Variants in ZC3H12D observed in about 807,000 individuals in gnomAD.
The protein encoded by ZC3H12D is probable ribonuclease ZC3H12D.
ZC3H12D carries 11 observed loss-of-function variants against 24.2 expected under a neutral mutation model. The ratio of observed to expected loss-of-function variants is 0.46; its 90% confidence interval spans 0.29 to 0.75. The LOEUF is 0.75. ZC3H12D is among the 30% of genes least tolerant of loss of function. ZC3H12D has a pLI of 0.11. For missense variants in ZC3H12D, 740 were observed against 767.7 expected (o/e 0.96, Z 0.43); for synonymous variants, 333 against 341.8 (o/e 0.97, Z 0.28).
rs760166494 is a variant in ZC3H12D, at chr6:149,474,535, G to A, written c.9C>T (p.His3=). The change falls in exon 2 of 6, where the codon CAC becomes CAT. Residue 3 remains histidine (H), a synonymous_variant. Coordinates refer to ENST00000409806, the MANE Select transcript of ZC3H12D (RefSeq NM_207360.3). ME[H]PSKMEFFQKL... ...TCTGGAAGAATTCCATCTTGCTGGG[G>A]TGCTCCATGCTGTGCCCAGCGGCCA... 6.6e-7 allele frequency: 1 copy of A among 1,525,940 alleles called. No individual in the cohort carries two copies. The highest frequency in any genetic ancestry group is 8.9e-7 in the Non-Finnish European group (1 of 1,128,656). The allele number at this position is 1,525,940 out of a possible 1,614,324, so 94.5% of individuals were successfully genotyped here.
chr6:149,476,580 G>A (rs1481642530), intron 1 of ZC3H12D, among the ~76,000 whole-genome samples: 1 of 152,134 alleles, frequency 6.6e-6, no homozygotes, highest in East Asian at 1.9e-4. Flanking sequence ...GGCCGAGGCA[G>A]GCGTATCGCT....
intron 2 of ZC3H12D, among the ~76,000 whole-genome samples, chr6:149,472,545 TG>T (rs998060297): frequency 1.9e-4 from 18 of 96,082 alleles, no homozygotes; most frequent in African/African-American, 6.9e-4. Flanking sequence ...TCATGAGAGG[TG>T]GGGGGCAGAG....
chr6:149,451,132 C>A lies in ZC3H12D; in HGVS notation c.1135G>T (p.Val379Leu). ...LTPRLGGPDW[V>L]SAGGRVPGPL... ...CCTGGCACCCGGCCGCCCGCGGACA[C>A]CCAGTCGGGCCCGCCCAGTCGGGGC... The change falls in exon 6 of 6, where the codon GTG (valine) becomes TTG (leucine). Residue 379 changes from valine (V) to leucine (L), a missense_variant. Coordinates refer to ENST00000409806, the MANE Select transcript of ZC3H12D (RefSeq NM_207360.3). 2 of 1,343,664 alleles carry A rather than the reference C, an allele frequency of 1.5e-6. No homozygotes were observed. The highest frequency in any genetic ancestry group is 3.8e-5 in the South Asian group (2 of 51,956). The allele number at this position is 1,343,664 out of a possible 1,614,324, so 83.2% of individuals were successfully genotyped here. A position where few individuals can be genotyped will look rare whatever the true frequency, so the allele number is the denominator to read the frequency against.
chr6:149,475,314 C>T (rs771374146), intron 1 of ZC3H12D, among the ~76,000 whole-genome samples: 7 of 152,330 alleles, frequency 4.6e-5, no homozygotes, highest in South Asian at 2.1e-4. Flanking sequence ...CAAATGCCCC[C>T]GGGCGAATTC....
intron 4 of ZC3H12D, among the ~76,000 whole-genome samples, chr6:149,455,288 C>T (rs908619903): frequency 2.6e-5 from 4 of 152,202 alleles, no homozygotes; most frequent in African/African-American, 9.6e-5. Flanking sequence ...GCCATTCACT[C>T]GGTCATTCCT....
chr6:149,458,756 T>C (rs1009502341), intron 3 of ZC3H12D, among the ~76,000 whole-genome samples: 3 of 152,204 alleles, frequency 2.0e-5, no homozygotes, highest in African/African-American at 4.8e-5. Flanking sequence ...ATACTTGGCA[T>C]TTTCAGGCTT....
intron 3 of ZC3H12D, among the ~76,000 whole-genome samples, chr6:149,457,203 C>T (rs1246454275): frequency 6.6e-6 from 1 of 152,208 alleles, no homozygotes; most frequent in African/African-American, 2.4e-5. Flanking sequence ...TCAGCCACAG[C>T]CCTTGTCCTT....
At chr6:149,460,130 A>G (rs1302707544) in intron 3 of ZC3H12D, among the ~76,000 whole-genome samples, 1 of 152,254 alleles carries the variant, frequency 6.6e-6, no homozygotes, top group Non-Finnish European at 1.5e-5. Flanking sequence ...TATGTACAGC[A>G]CATAACACTT....
At chr6:149,462,841 T>G (rs1776095208) in intron 2 of ZC3H12D, among the ~76,000 whole-genome samples, 1 of 152,202 alleles carries the variant, frequency 6.6e-6, no homozygotes, top group African/African-American at 2.4e-5. Context: ...ACACCAGGGG[T>G]TTGCCAGGGG....
chr6:149,458,124 G>GTTTTTTTTTTTTTTTTT (rs1562472740), intron 3 of ZC3H12D, among the ~76,000 whole-genome samples: 5 of 37,576 alleles, frequency 1.3e-4, no homozygotes, highest in Non-Finnish European at 1.9e-4. Context: ...TTTTTTTTTC[G>GTTTTTTTTTTTTTTTTT]TTTCTTTTTT....
intron 1 of ZC3H12D, among the ~76,000 whole-genome samples, chr6:149,475,573 A>C (rs1370372640): frequency 6.6e-6 from 1 of 151,722 alleles, no homozygotes; most frequent in Non-Finnish European, 1.5e-5. Context: ...AAAATTAGCC[A>C]GGCATGGTGG....
rs987719276 is a variant in ZC3H12D, at chr6:149,484,874, C to G, written c.-132G>C. 20 of 152,220 alleles carry G rather than the reference C, an allele frequency of 1.3e-4. No homozygotes were observed. Among genetic ancestry groups the G allele is most frequent in the African/African-American group, 4.3e-4 (18 of 41,442 alleles). 9.4% of individuals were successfully genotyped at this position (152,220 alleles called of 1,614,324 possible). ...CTGGCCCAGTCGCCAGCAGCCTTCA[C>G]GCCAATGTTCTCCCGTCAGTGAGGC... On this transcript the variant is annotated 5_prime_UTR_variant, in exon 1 of 6. Transcript: ENST00000409806.
In ZC3H12D at chr6:149,451,361, G is replaced by GTAT; in HGVS notation, c.905_906insATA (p.Gly302_Ala303insTyr). On this transcript the variant is annotated inframe_insertion, in exon 6 of 6. Coordinates refer to ENST00000409806, the MANE Select transcript of ZC3H12D (RefSeq NM_207360.3). Reference sequence around the variant, plus strand: ...CTCTCGGTGGCCGCTGCTCCTCGGCGCCCGCGCCAGGCCGGGCCCCTGTCT... The same window carrying GTAT: ...CTCTCGGTGGCCGCTGCTCCTCGGCGTATCCCGCGCCAGGCCGGGCCCCTGTCT... The GTAT allele has an allele frequency of 6.8e-7, 1 of 1,479,690 alleles. No individual in the cohort carries two copies. Among genetic ancestry groups the GTAT allele is most frequent in the Admixed American group, 2.3e-5 (1 of 43,982 alleles). 91.7% of individuals were successfully genotyped at this position (1,479,690 alleles called of 1,614,324 possible).
intron 2 of ZC3H12D, among the ~76,000 whole-genome samples, chr6:149,464,478 T>G (rs1776121056): frequency 1.3e-5 from 2 of 152,148 alleles, no homozygotes; most frequent in African/African-American, 4.8e-5. Context: ...TCATCCTCAC[T>G]TCCTCAGGAA....
In ZC3H12D at chr6:149,456,974, C is replaced by T. The variant is rs1309315249; in HGVS notation, c.446-74G>A. ...CCTGAGAACCACCCCCAACGCGAGGCCACCCGCTTCCCGGGCCGGTCAGAT... is the reference window on the plus strand; with the variant it reads ...CCTGAGAACCACCCCCAACGCGAGGTCACCCGCTTCCCGGGCCGGTCAGAT... On this transcript the variant is annotated intron_variant, in intron 3 of 5. Transcript: ENST00000409806. This position sits in a 1 kb window ranked among gnomAD's most constrained non-coding sequence, Gnocchi z 4.3. The T allele has an allele frequency of 3.5e-6, 5 of 1,427,724 alleles. No homozygotes were observed. The East Asian group carries it at 9.3e-5, about 27-fold the overall frequency. The allele number at this position is 1,427,724 out of a possible 1,614,324, so 88.4% of individuals were successfully genotyped here.
chr6:149,454,438 T>A (rs1304304809), intron 4 of ZC3H12D, among the ~76,000 whole-genome samples: 1 of 152,178 alleles, frequency 6.6e-6, no homozygotes, highest in Non-Finnish European at 1.5e-5. Flanking sequence ...AGCTGGGTGA[T>A]CCCCGGCCCT....
Position 149,456,622 on chromosome 6 carries a change from C to CCCCCCCCCCCCCCCCCCGGGTGAGG in ZC3H12D, c.680+43_680+44insCCTCACCCGGGGGGGGGGGGGGGGG. 3 of 1,314,358 alleles carry CCCCCCCCCCCCCCCCCCGGGTGAGG rather than the reference C, an allele frequency of 2.3e-6. No individual in the cohort carries two copies. Among genetic ancestry groups the CCCCCCCCCCCCCCCCCCGGGTGAGG allele is most frequent in the Non-Finnish European group, 2.2e-6 (2 of 921,308 alleles). 81.4% of individuals were successfully genotyped at this position (1,314,358 alleles called of 1,614,324 possible). On this transcript the variant is annotated intron_variant, in intron 4 of 5. Coordinates refer to ENST00000409806, the MANE Select transcript of ZC3H12D (RefSeq NM_207360.3). This position sits in a 1 kb window ranked among gnomAD's most constrained non-coding sequence, Gnocchi z 4.3. ...GGCCACTGCCTCGACCCCGGCCCCC[C>CCCCCCCCCCCCCCCCCCGGGTGAGG]GCCCCGCCGCCCCCCAGGGTGTCAG...
intron 1 of ZC3H12D, among the ~76,000 whole-genome samples, chr6:149,480,636 T>C (rs866398315): frequency 6.6e-6 from 1 of 152,122 alleles, no homozygotes; most frequent in Non-Finnish European, 1.5e-5. Context: ...CTCAGGAGAC[T>C]GAGGCAGGAG....
At position 149,448,280 on chromosome 6, in the gene ZC3H12D, A is replaced by T. The variant is rs1310459327; in HGVS notation, c.*2403T>A. On this transcript the variant is annotated 3_prime_UTR_variant, in exon 6 of 6. Transcript: ENST00000409806. Reference sequence around the variant, plus strand: ...GCACTCCAGCCTGGGTGACAGAGCGAGACTCCGTTTCAAAAATAATAATAA... The same window carrying T: ...GCACTCCAGCCTGGGTGACAGAGCGTGACTCCGTTTCAAAAATAATAATAA... 2 of 150,870 alleles carry T rather than the reference A, an allele frequency of 1.3e-5. No homozygotes were observed. The highest frequency in any genetic ancestry group is 3.0e-5 in the Non-Finnish European group (2 of 67,782). The allele number at this position is 150,870 out of a possible 1,614,324, so 9.3% of individuals were successfully genotyped here.
Sources: allele counts gnomAD v4.1 joint callset (sites outside exome capture counted in the v4.1 genomes callset), GRCh38; gene constraint gnomAD v4.1.1; non-coding constraint Gnocchi (gnomAD v3.1); transcripts MANE v1.5; gene names NCBI Gene and HGNC (gene_info 2026-07-23, HGNC 2026-07-21).